The following SCRN1 variants were observed in gnomAD, a reference collection of about 807,000 sequenced individuals.
SCRN1 encodes secernin 1.
Under a neutral mutation model 43.3 loss-of-function variants are expected in SCRN1, and 19 were observed. The observed-to-expected ratio is 0.44, with a 90% CI of 0.31 to 0.64. The LOEUF (loss-of-function observed/expected upper bound fraction) is 0.64, where lower values mean the gene tolerates loss of function less well. Ranked by LOEUF, SCRN1 falls within the 30% of genes least tolerant of loss-of-function variation. The probability of loss-of-function intolerance (pLI) is 0.09; values close to 1 mark genes in which losing one functional copy is unlikely to be tolerated. For missense variants in SCRN1, 447 were observed against 524.1 expected (o/e 0.85, Z 1.44); for synonymous variants, 183 against 188.9 (o/e 0.97, Z 0.26).
chr7:29,968,953 C>A lies in SCRN1; in HGVS notation c.115G>T (p.Val39Leu). The A allele has an allele frequency of 5.0e-6, 8 of 1,614,190 alleles. No homozygotes were observed. The highest frequency in any genetic ancestry group is 6.8e-6 in the Non-Finnish European group (8 of 1,180,038). ...ARPRDEVQEV[V>L]YFSAADHEPE... ...TCGTGATCAGCAGCCGAGAAATACA[C>A]AACCTCTTGCACTTCATCTCTGGGC... The change falls in exon 2 of 8, where the codon GTG (valine) becomes TTG (leucine). Residue 39 changes from valine to leucine, a missense_variant. Physicochemically the swap from Val to Leu is conservative, Grantham distance 32. Coordinates refer to ENST00000242059, the MANE Select transcript of SCRN1 (RefSeq NM_014766.5).
At chr7:29,933,612 C>T (rs1416125993) in intron 6 of SCRN1, among the ~76,000 whole-genome samples, 3 of 152,280 alleles carry the variant, frequency 2.0e-5, no homozygotes, top group African/African-American at 7.2e-5. Flanking sequence ...TGGAATTTGC[C>T]TTCTCAATAT....
chr7:29,975,630 C>G (rs1025219135), intron 1 of SCRN1, among the ~76,000 whole-genome samples: 3 of 152,160 alleles, frequency 2.0e-5, no homozygotes, highest in African/African-American at 4.8e-5. Context: ...CACATATAAG[C>G]GTCTATAGGT....
At chr7:29,962,811 T>C (rs1269808735) in intron 2 of SCRN1, among the ~76,000 whole-genome samples, 1 of 152,230 alleles carries the variant, frequency 6.6e-6, no homozygotes, top group Non-Finnish European at 1.5e-5. Flanking sequence ...TGTATTTTAA[T>C]AGTTGCTTGT....
chr7:29,982,917 C>T (rs1789035029), intron 1 of SCRN1, among the ~76,000 whole-genome samples: 1 of 151,788 alleles, frequency 6.6e-6, no homozygotes, highest in Non-Finnish European at 1.5e-5. Context: ...CAGCTCACCA[C>T]AATCTCCACC....
chr7:29,931,302 A>T (rs1787146165), intron 6 of SCRN1, among the ~76,000 whole-genome samples: 1 of 152,234 alleles, frequency 6.6e-6, no homozygotes, highest in South Asian at 2.1e-4. Context: ...ACTCTTATTC[A>T]TTCATTCATT....
In SCRN1 at chr7:29,940,718, A is replaced by T. The variant is rs1417314351; in HGVS notation, c.703T>A (p.Cys235Ser). Residue 235 changes from cysteine to serine, a missense_variant, in exon 5 of 8, where the codon TGC (cysteine) becomes AGC (serine). Cys to Ser is a moderately radical substitution (Grantham distance 112, BLOSUM62 -1). Transcript: ENST00000242059. ...TCTAAGCTGTCTTTGCCAGCACCGC[A>T]GTCTAGATGATCCTCAACTGGAGAA... ...VFSPVEDHLD[C>S]GAGKDSLEKQ... 2 of 1,605,092 alleles carry T rather than the reference A, an allele frequency of 1.2e-6. No homozygotes were observed. Among genetic ancestry groups the T allele is most frequent in the Admixed American group, 1.7e-5 (1 of 57,200 alleles).
rs1049394 is a variant in SCRN1, at chr7:29,921,188, C to G, written c.*2769G>C. ...TCTGCACAAGCATGCTCAGCCCCCA[C>G]CCCAGTCTGAAAAGATACACAAAGG... On this transcript the variant is annotated 3_prime_UTR_variant, in exon 8 of 8. Transcript: ENST00000242059. 1.3e-5 allele frequency: 2 copies of G among 152,138 alleles called. No homozygotes were observed. The highest frequency in any genetic ancestry group is 2.9e-5 in the Non-Finnish European group (2 of 67,906). The allele number at this position is 152,138 out of a possible 1,614,324, so 9.4% of individuals were successfully genotyped here. A position where few individuals can be genotyped will look rare whatever the true frequency, so the allele number is the denominator to read the frequency against.
intron 7 of SCRN1, among the ~76,000 whole-genome samples, chr7:29,924,753 A>G (rs905531329): frequency 6.6e-6 from 1 of 151,512 alleles, no homozygotes; most frequent in African/African-American, 2.5e-5. Context: ...AACAGGTGCC[A>G]TGTCTCTCCC....
In SCRN1 at chr7:29,940,606, G is replaced by C. The variant is rs989332668; in HGVS notation, c.739+76C>G. On this transcript the variant is annotated intron_variant, in intron 5 of 7. Transcript: ENST00000242059. The stretch of plus-strand genomic sequence containing the variant: ...TATTCCTTTTTGTTCACCCTTCTAA[G>C]TTCAGACAAGTTCTCAGAAACAGCT... 1.2e-5 allele frequency: 17 copies of C among 1,390,960 alleles called. No homozygotes were observed. The African/African-American group carries it at 2.2e-4, about 18-fold the overall frequency. 86.2% of individuals were successfully genotyped at this position (1,390,960 alleles called of 1,614,324 possible).
At chr7:29,958,573 T>C (rs899783222) in intron 2 of SCRN1, among the ~76,000 whole-genome samples, 1 of 151,890 alleles carries the variant, frequency 6.6e-6, no homozygotes, top group Non-Finnish European at 1.5e-5. Context: ...ACAATTTAGT[T>C]CCCCAAGTCA....
At chr7:29,988,128 T>C (rs917324227) in intron 1 of SCRN1, among the ~76,000 whole-genome samples, 3 of 152,218 alleles carry the variant, frequency 2.0e-5, no homozygotes, top group African/African-American at 7.2e-5. Context: ...TGTCGCTAAA[T>C]CAGTTCTTCC....
intron 5 of SCRN1, among the ~76,000 whole-genome samples, chr7:29,939,549 T>A (rs1046360577): frequency 6.6e-6 from 1 of 152,224 alleles, no homozygotes; most frequent in Non-Finnish European, 1.5e-5. Flanking sequence ...AGAATTTCCG[T>A]TGAAACTTTC....
chr7:29,928,828 A>C (rs1195141576), intron 6 of SCRN1, among the ~76,000 whole-genome samples: 1 of 152,238 alleles, frequency 6.6e-6, no homozygotes, highest in Non-Finnish European at 1.5e-5. Flanking sequence ...TGGCTGTTGA[A>C]TATGAAAAAG....
chr7:29,936,372 C>G (rs1241487453), intron 6 of SCRN1, among the ~76,000 whole-genome samples, 184 bp downstream of exon 6: 1 of 152,206 alleles, frequency 6.6e-6, no homozygotes, highest in Non-Finnish European at 1.5e-5. Flanking sequence ...TACTATGTGA[C>G]TAAAACCAAG....
intron 4 of SCRN1, among the ~76,000 whole-genome samples, chr7:29,942,101 C>T (rs1452527492): frequency 1.3e-5 from 2 of 152,138 alleles, no homozygotes; most frequent in Non-Finnish European, 2.9e-5. Context: ...CATAAAAGTA[C>T]AATTATAAAC....
chr7:29,934,950 T>C (rs992898775), intron 6 of SCRN1, among the ~76,000 whole-genome samples: 6 of 152,256 alleles, frequency 3.9e-5, no homozygotes, highest in Non-Finnish European at 8.8e-5. Flanking sequence ...CTCTGCCTTT[T>C]GCATGTGCCG....
intron 7 of SCRN1, among the ~76,000 whole-genome samples, chr7:29,925,991 C>T (rs1173893835): frequency 1.3e-5 from 2 of 152,028 alleles, no homozygotes; most frequent in Non-Finnish European, 2.9e-5. Context: ...GCATTAAGCT[C>T]ATTCACAATG....
chr7:29,936,735 A>G lies in SCRN1; in HGVS notation c.740-14T>C, dbSNP rs753433143. 14 of 1,520,708 alleles carry G rather than the reference A, an allele frequency of 9.2e-6. No individual in the cohort carries two copies. The highest frequency in any genetic ancestry group is 1.3e-5 in the South Asian group (1 of 76,256). The allele number at this position is 1,520,708 out of a possible 1,614,324, so 94.2% of individuals were successfully genotyped here. ...CTGTGATGCTTTCTGCAAAAACACAAAAGACAGACAAATGGAAAGAGTAGA... is the reference window on the plus strand; with the variant it reads ...CTGTGATGCTTTCTGCAAAAACACAGAAGACAGACAAATGGAAAGAGTAGA... On this transcript the variant is annotated splice_polypyrimidine_tract_variant and intron_variant, in intron 5 of 7. Coordinates refer to ENST00000242059, the MANE Select transcript of SCRN1 (RefSeq NM_014766.5).
At chr7:29,941,315 A>G (rs959009167) in intron 4 of SCRN1, among the ~76,000 whole-genome samples, 2 of 152,210 alleles carry the variant, frequency 1.3e-5, no homozygotes, top group Non-Finnish European at 2.9e-5. Flanking sequence ...TATCGCATCT[A>G]TAGAAAGCCC....
Sources: gnomAD v4.1 joint callset for allele counts (sites outside exome capture counted in the v4.1 genomes callset) on GRCh38, gnomAD v4.1.1 for gene constraint, MANE v1.5 for transcripts, NCBI Gene and HGNC (gene_info 2026-07-23, HGNC 2026-07-21) for gene names.